PPP2CA: variants seen among roughly 807,000 people sequenced by gnomAD.
The protein encoded by PPP2CA is protein phosphatase 2 catalytic subunit alpha.
PPP2CA carries 5 observed loss-of-function variants against 38.8 expected under a neutral mutation model. That is an observed-to-expected ratio of 0.13 (90% CI 0.07 to 0.27). The LOEUF (loss-of-function observed/expected upper bound fraction) is 0.27, where lower values mean the gene tolerates loss of function less well. Among genes scored for constraint, PPP2CA ranks in the 10% least tolerant of loss-of-function variants. The probability of loss-of-function intolerance (pLI) is 1.00; values close to 1 mark genes in which losing one functional copy is unlikely to be tolerated. For synonymous variants in PPP2CA, 152 were observed against 134.0 expected (o/e 1.13, Z -0.93); for missense variants, 88 against 389.7 (o/e 0.23, Z 6.52).
intron 1 of PPP2CA, among the ~76,000 whole-genome samples, chr5:134,212,663 G>A (rs1214955008): frequency 6.6e-6 from 1 of 152,182 alleles, no homozygotes; most frequent in Non-Finnish European, 1.5e-5. Flanking sequence ...GGAAACTCCA[G>A]ACAGGCCTAA....
In PPP2CA at chr5:134,200,437, A is replaced by C. The variant is rs1232376940; in HGVS notation, c.636T>G (p.Ser212=). 2 of 1,614,102 alleles carry C rather than the reference A, an allele frequency of 1.2e-6. No homozygotes were observed. Among genetic ancestry groups the C allele is most frequent in the East Asian group, 4.5e-5 (2 of 44,902 alleles). Residue 212 remains serine, a synonymous_variant, in exon 5 of 7, where the codon TCT becomes TCG. Coordinates refer to ENST00000481195, the MANE Select transcript of PPP2CA (RefSeq NM_002715.4). ...DPDDRGGWGI[S]PRGAGYTFGQ... ...CAAAGGTGTAACCAGCTCCTCGAGG[A>C]GATATACCCCAACCACCACGGTCAT...
chr5:134,200,287 C>G, intron 5 of PPP2CA, 48 bp downstream of exon 5: 1 of 1,542,998 alleles, frequency 6.5e-7, no homozygotes, highest in Non-Finnish European at 8.7e-7. Context: ...ATCTTCTTTC[C>G]TTAAGTTTAC....
chr5:134,212,823 T>C (rs1762229447), intron 1 of PPP2CA, among the ~76,000 whole-genome samples: 1 of 152,192 alleles, frequency 6.6e-6, no homozygotes, highest in African/African-American at 2.4e-5. Flanking sequence ...GTGGTCTGGA[T>C]AGATCAAATC....
At chr5:134,213,676 A>G (rs4541702) in intron 1 of PPP2CA, among the ~76,000 whole-genome samples, 116,950 of 151,382 alleles carry the variant, frequency 0.77, 45,615 homozygotes, top group Non-Finnish European at 0.82. Context: ...CCAGCTGCTA[A>G]GGAGGCTAAG....
rs1004840113 is a variant in PPP2CA, at chr5:134,194,474, G to C, written c.*3298C>G. 1 of 152,194 alleles carries C rather than the reference G, an allele frequency of 6.6e-6. No homozygotes were observed. Among genetic ancestry groups the C allele is most frequent in the African/African-American group, 2.4e-5 (1 of 41,418 alleles). 9.4% of individuals were successfully genotyped at this position (152,194 alleles called of 1,614,324 possible). Reference sequence around the variant, plus strand: ...AACACATTTATGGTTGGAAGCAAAGGAATATTTATACTAAACAGGTAAAAG... The same window carrying C: ...AACACATTTATGGTTGGAAGCAAAGCAATATTTATACTAAACAGGTAAAAG... On this transcript the variant is annotated 3_prime_UTR_variant, in exon 7 of 7. Coordinates refer to ENST00000481195, the MANE Select transcript of PPP2CA (RefSeq NM_002715.4).
At chr5:134,215,396 C>T (rs1408301090) in intron 1 of PPP2CA, among the ~76,000 whole-genome samples, 4 of 151,874 alleles carry the variant, frequency 2.6e-5, no homozygotes, top group Non-Finnish European at 5.9e-5. Context: ...GTGGTGAAAC[C>T]CCATCTCTAC....
At chr5:134,207,989 T>C (rs1762118595) in intron 1 of PPP2CA, among the ~76,000 whole-genome samples, 1 of 152,216 alleles carries the variant, frequency 6.6e-6, no homozygotes, top group Admixed American at 6.5e-5. Flanking sequence ...CATTACCAAG[T>C]CTGTCTGGCA....
chr5:134,224,343 C>A, intron 1 of PPP2CA: 1 of 452,434 alleles, frequency 2.2e-6, no homozygotes, highest in Admixed American at 2.4e-5. Flanking sequence ...TGTGCCACCT[C>A]ATCCACTAGT....
At position 134,198,945 on chromosome 5, in the gene PPP2CA, A is replaced by G. The variant is rs10072449; in HGVS notation, c.857+141T>C. 3,591 of 647,462 alleles carry G rather than the reference A, an allele frequency of 5.5e-3. 112 individuals carry two copies. In the African/African-American group the frequency reaches 0.057, roughly 10 times the overall value. The allele number at this position is 647,462 out of a possible 1,614,324, so 40.1% of individuals were successfully genotyped here. On this transcript the variant is annotated intron_variant, in intron 6 of 6. Transcript: ENST00000481195. ...ATACTTGTAACCCCAACACTCTAGGAGGCCAAGGTGAAAGGATCACTTCAG... is the reference window on the plus strand; with the variant it reads ...ATACTTGTAACCCCAACACTCTAGGGGGCCAAGGTGAAAGGATCACTTCAG...
intron 1 of PPP2CA, among the ~76,000 whole-genome samples, chr5:134,220,434 G>C (rs1372174826): frequency 8.3e-6 from 1 of 120,696 alleles, no homozygotes; most frequent in Non-Finnish European, 1.6e-5. Flanking sequence ...ACTCCAGCCT[G>C]GGCGACTGTG....
intron 2 of PPP2CA, among the ~76,000 whole-genome samples, chr5:134,203,138 G>A (rs987326788): frequency 6.6e-6 from 1 of 150,992 alleles, no homozygotes; most frequent in Admixed American, 6.6e-5. Context: ...TTTTTCTGGT[G>A]TCATCTTTTG....
At chr5:134,215,861 G>T (rs1762308259) in intron 1 of PPP2CA, among the ~76,000 whole-genome samples, 1 of 152,144 alleles carries the variant, frequency 6.6e-6, no homozygotes. Flanking sequence ...TCAGAGAAAA[G>T]ATGAGACTGA....
chr5:134,204,586 G>C (rs1036250820), intron 2 of PPP2CA, among the ~76,000 whole-genome samples: 2 of 152,116 alleles, frequency 1.3e-5, no homozygotes, highest in African/African-American at 4.8e-5. Flanking sequence ...TCAGCTTCCT[G>C]AGTAGCTGAG....
intron 1 of PPP2CA, 105 bp downstream of exon 1, chr5:134,225,655 G>A (rs554761120): frequency 2.0e-6 from 2 of 991,406 alleles, no homozygotes; most frequent in East Asian, 3.0e-5. Flanking sequence ...GAGACTCGGG[G>A]GGCCCGGACC....
At position 134,202,297 on chromosome 5, in the gene PPP2CA, C is replaced by A. The variant is rs1580637983; in HGVS notation, c.313-276G>T. 4 of 303,384 alleles carry A rather than the reference C, an allele frequency of 1.3e-5. No individual in the cohort carries two copies. In the East Asian group the frequency reaches 2.8e-4, roughly 21 times the overall value. 18.8% of individuals were successfully genotyped at this position (303,384 alleles called of 1,614,324 possible). A position where few individuals can be genotyped will look rare whatever the true frequency, so the allele number is the denominator to read the frequency against. On this transcript the variant is annotated intron_variant, in intron 2 of 6. Transcript: ENST00000481195. ...TATTAAAACCCCATAAATTACTTTACGGTTCAGTAATTTTTCACAAATTTA... is the reference window on the plus strand; with the variant it reads ...TATTAAAACCCCATAAATTACTTTAAGGTTCAGTAATTTTTCACAAATTTA...
chr5:134,212,715 AG>A (rs761207960), intron 1 of PPP2CA, among the ~76,000 whole-genome samples: 4 of 152,246 alleles, frequency 2.6e-5, no homozygotes, highest in Non-Finnish European at 5.9e-5. Context: ...ATAAATGCAA[AG>A]GAAAAGTTCT....
chr5:134,198,428 G>C (rs558627161), intron 6 of PPP2CA, among the ~76,000 whole-genome samples: 8 of 151,302 alleles, frequency 5.3e-5, no homozygotes, highest in African/African-American at 1.7e-4. Context: ...CACAAAACAT[G>C]GTTTTAAAAG....
chr5:134,209,279 GAA>G (rs56150132), intron 1 of PPP2CA, among the ~76,000 whole-genome samples: 10,975 of 150,782 alleles, frequency 0.073, 483 homozygotes, highest in South Asian at 0.17. Context: ...ACCGGAGGGG[GAA>G]AAAAAAAAAA....
chr5:134,223,946 T>C (rs1762501689), intron 1 of PPP2CA, among the ~76,000 whole-genome samples: 1 of 152,250 alleles, frequency 6.6e-6, no homozygotes, highest in African/African-American at 2.4e-5. Context: ...TTTTAGTTTA[T>C]AGACAGGAAA....
Sources: allele counts gnomAD v4.1 joint callset (sites outside exome capture counted in the v4.1 genomes callset), GRCh38; gene constraint gnomAD v4.1.1; transcripts MANE v1.5; gene names NCBI Gene and HGNC (gene_info 2026-07-23, HGNC 2026-07-21).